FSTL5: variants seen among roughly 807,000 people sequenced by gnomAD.
FSTL5 encodes follistatin-related protein 5.
In FSTL5, 62 loss-of-function variants were observed where a neutral mutation model predicts 89.1. That is an observed-to-expected ratio of 0.70 (90% CI 0.57 to 0.86). The LOEUF is 0.86. Among genes scored for constraint, FSTL5 ranks in the 40% least tolerant of loss-of-function variants. The probability of loss-of-function intolerance (pLI) is 0.00; values close to 1 mark genes in which losing one functional copy is unlikely to be tolerated. For missense variants in FSTL5, 1,057 were observed against 1,001.6 expected, an observed-to-expected ratio of 1.06 and a Z score of -0.75; for synonymous variants, 383 against 346.2, an observed-to-expected ratio of 1.11 and a Z score of -1.18.
chr4:162,046,464 G>A (rs559397725), intron 2 of FSTL5, among the ~76,000 whole-genome samples: 2 of 152,196 alleles, frequency 1.3e-5, no homozygotes, highest in South Asian at 4.1e-4. Flanking sequence ...TTAATCTTTT[G>A]GGAGAAACTG....
intron 6 of FSTL5, among the ~76,000 whole-genome samples, chr4:161,695,220 C>A (rs1463107601): frequency 6.6e-6 from 1 of 151,964 alleles, no homozygotes; most frequent in African/African-American, 2.4e-5. Context: ...CCCAGCCTTT[C>A]CCCCGAGTCC....
chr4:161,500,153 T>C lies in FSTL5; in HGVS notation c.1340-19A>G, dbSNP rs767963242. On this transcript the variant is annotated intron_variant, in intron 11 of 15. Coordinates refer to ENST00000306100, the MANE Select transcript of FSTL5 (RefSeq NM_020116.5). ...CCCAGACCTTAGGAATAAAAACACATTTAAATGTTCAAAATATAATTATCA... is the reference window on the plus strand; with the variant it reads ...CCCAGACCTTAGGAATAAAAACACACTTAAATGTTCAAAATATAATTATCA... 1.8e-5 allele frequency: 25 copies of C among 1,427,294 alleles called. No individual in the cohort carries two copies. The highest frequency in any genetic ancestry group is 2.8e-5 in the African/African-American group (2 of 70,578). The allele number at this position is 1,427,294 out of a possible 1,614,324, so 88.4% of individuals were successfully genotyped here.
intron 15 of FSTL5, among the ~76,000 whole-genome samples, chr4:161,443,113 G>A (rs1212532343): frequency 1.3e-5 from 2 of 151,840 alleles, no homozygotes; most frequent in Admixed American, 1.3e-4. Context: ...GAGGATTTAA[G>A]GCAGTAAACA....
intron 3 of FSTL5, among the ~76,000 whole-genome samples, chr4:161,943,236 C>T (rs1041403382): frequency 1.3e-5 from 2 of 151,932 alleles, no homozygotes; most frequent in African/African-American, 4.8e-5. Context: ...AATATTAAGA[C>T]TGCAATACTA....
chr4:161,875,312 A>C (rs1397523348), intron 4 of FSTL5, among the ~76,000 whole-genome samples: 1 of 152,194 alleles, frequency 6.6e-6, no homozygotes, highest in East Asian at 1.9e-4. Flanking sequence ...TGTCCCCAAC[A>C]AATCAGGCTG....
At chr4:161,879,847 A>C (rs1579163963) in intron 4 of FSTL5, among the ~76,000 whole-genome samples, 1 of 152,326 alleles carries the variant, frequency 6.6e-6, no homozygotes, top group East Asian at 1.9e-4. Flanking sequence ...ACTATCCAGC[A>C]TATTTTATAG....
intron 2 of FSTL5, among the ~76,000 whole-genome samples, chr4:162,101,517 A>G (rs1438306663): frequency 2.0e-5 from 3 of 152,168 alleles, no homozygotes; most frequent in African/African-American, 7.2e-5. Flanking sequence ...CTCGGCTGAA[A>G]AGTTTGTGGC....
intron 13 of FSTL5, among the ~76,000 whole-genome samples, chr4:161,478,463 C>G (rs1018992106): frequency 6.6e-6 from 1 of 152,052 alleles, no homozygotes; most frequent in African/African-American, 2.4e-5. Flanking sequence ...AACTCATGGC[C>G]AACAGCATTA....
chr4:161,859,034 T>C (rs1167599629), intron 4 of FSTL5, among the ~76,000 whole-genome samples: 1 of 152,218 alleles, frequency 6.6e-6, no homozygotes. Context: ...TGGTCAGGTC[T>C]CTCTCCCATT....
intron 2 of FSTL5, among the ~76,000 whole-genome samples, chr4:162,104,586 T>C (rs1731138003): frequency 6.6e-6 from 1 of 152,162 alleles, no homozygotes; most frequent in Non-Finnish European, 1.5e-5. Context: ...TAACATACTC[T>C]ATGGTGTGCA....
chr4:161,739,174 A>C (rs2126769667), intron 6 of FSTL5, among the ~76,000 whole-genome samples: 1 of 152,316 alleles, frequency 6.6e-6, no homozygotes, highest in African/African-American at 2.4e-5. Flanking sequence ...GTGTTGCTGC[A>C]GAAGTAATTA....
intron 4 of FSTL5, among the ~76,000 whole-genome samples, chr4:161,785,867 T>C (rs1179133104): frequency 6.6e-6 from 1 of 152,160 alleles, no homozygotes; most frequent in East Asian, 1.9e-4. Context: ...TCAATGAATG[T>C]ATCTGTCAAG....
intron 1 of FSTL5, among the ~76,000 whole-genome samples, chr4:162,162,253 A>G (rs948362662): frequency 6.6e-6 from 1 of 152,184 alleles, no homozygotes; most frequent in South Asian, 2.1e-4. Context: ...TAATGCAACT[A>G]GAGTAGAAAT....
rs79959871 is a variant in FSTL5, at chr4:161,668,437, A to C, written c.728-11943T>G. Among the ~76,000 whole-genome samples the C allele has an allele frequency of 1.0e-3, 155 of 152,338 alleles. 2 individuals are homozygous for C. The East Asian group carries it at 0.028, about 27-fold the overall frequency. ...GATTCACTGATGAATTCTACCAAAC[A>C]TTTAAGGGAGAAATTGTATCAATCC... On this transcript the variant is annotated intron_variant, in intron 6 of 15. Transcript: ENST00000306100.
At chr4:161,958,214 T>A (rs1465250289) in intron 3 of FSTL5, among the ~76,000 whole-genome samples, 1 of 152,076 alleles carries the variant, frequency 6.6e-6, no homozygotes, top group Non-Finnish European at 1.5e-5. Flanking sequence ...TTCTAATTAA[T>A]ATATTAAATT....
intron 7 of FSTL5, among the ~76,000 whole-genome samples, chr4:161,612,254 G>A (rs192852416): frequency 8.5e-5 from 13 of 152,162 alleles, no homozygotes; most frequent in Non-Finnish European, 1.6e-4. Flanking sequence ...TTGCATTAAT[G>A]AATGGAAGTA....
intron 2 of FSTL5, among the ~76,000 whole-genome samples, chr4:162,075,078 A>G (rs1388884429): frequency 6.6e-6 from 1 of 151,766 alleles, no homozygotes; most frequent in Non-Finnish European, 1.5e-5. Context: ...TGCCATAGGA[A>G]AACCCAGGGG....
At chr4:161,472,005 C>G (rs936557617) in intron 13 of FSTL5, among the ~76,000 whole-genome samples, 6 of 139,432 alleles carry the variant, frequency 4.3e-5, no homozygotes, top group African/African-American at 1.6e-4. Context: ...GAGACAGAGT[C>G]TCGCTCTGTT....
At chr4:161,774,166 C>T (rs913248310) in intron 5 of FSTL5, among the ~76,000 whole-genome samples, 3 of 151,980 alleles carry the variant, frequency 2.0e-5, no homozygotes, top group African/African-American at 7.3e-5. Flanking sequence ...GGAGGCAAGA[C>T]TAGGTAAAGA....
Sources: allele counts gnomAD v4.1 joint callset (sites outside exome capture counted in the v4.1 genomes callset), GRCh38; gene constraint gnomAD v4.1.1; transcripts MANE v1.5; gene names NCBI Gene and HGNC (gene_info 2026-07-23, HGNC 2026-07-21).